The following RIMS2 variants were observed in gnomAD, a reference collection of about 807,000 sequenced individuals.
RIMS2 encodes regulating synaptic membrane exocytosis 2, also known as regulating synaptic membrane exocytosis protein 2.
In RIMS2, 59 loss-of-function variants were observed where a neutral mutation model predicts 174.4. The ratio of observed to expected loss-of-function variants is 0.34; its 90% CI spans 0.27 to 0.42. The LOEUF is 0.42. RIMS2 is among the 10% of genes least tolerant of loss of function. The pLI is 1.00. For missense variants in RIMS2, 1,620 were observed against 1,666.3 expected (o/e 0.97, Z 0.48); for synonymous variants, 606 against 572.5 (o/e 1.06, Z -0.84).
intron 1 of RIMS2, among the ~76,000 whole-genome samples, chr8:103,583,709 C>T (rs1204344846): frequency 1.7e-5 from 2 of 119,098 alleles, no homozygotes; most frequent in Non-Finnish European, 4.3e-5. Flanking sequence ...TGAAAATACA[C>T]AGTCAGAGGG....
intron 3 of RIMS2, among the ~76,000 whole-genome samples, chr8:103,849,074 G>A (rs1391070525): frequency 6.6e-6 from 1 of 152,016 alleles, no homozygotes; most frequent in Admixed American, 6.6e-5. Flanking sequence ...CCTTTGAAAT[G>A]ATAGAGATAC....
At chr8:103,871,031 A>G (rs149465329) in intron 3 of RIMS2, among the ~76,000 whole-genome samples, 3 of 152,304 alleles carry the variant, frequency 2.0e-5, no homozygotes, top group East Asian at 3.9e-4. Context: ...TTCAATTTCT[A>G]CTTAACTATT....
intron 19 of RIMS2, among the ~76,000 whole-genome samples, chr8:104,024,500 G>GT (rs2096201665): frequency 6.6e-6 from 1 of 152,150 alleles, no homozygotes; most frequent in South Asian, 2.1e-4. Context: ...CTATGACACT[G>GT]TTGTAGATTG....
chr8:103,915,475 T>C lies in RIMS2; in HGVS notation c.1813-20T>C. The C allele has an allele frequency of 6.9e-7, 1 of 1,440,270 alleles. No homozygotes were observed. The highest frequency in any genetic ancestry group is 1.4e-5 in the African/African-American group (1 of 71,392). The allele number at this position is 1,440,270 out of a possible 1,614,324, so 89.2% of individuals were successfully genotyped here. A position where few individuals can be genotyped will look rare whatever the true frequency, so the allele number is the denominator to read the frequency against. ...CATTTTAACAATATTCCCATGTTAATACTTTCCTCTTTTAAACAGGTTGTA... is the reference window on the plus strand; with the variant it reads ...CATTTTAACAATATTCCCATGTTAACACTTTCCTCTTTTAAACAGGTTGTA... On this transcript the variant is annotated intron_variant, in intron 6 of 23. Transcript: ENST00000504942.
chr8:104,052,410 G>T (rs1023324337), intron 19 of RIMS2, among the ~76,000 whole-genome samples: 27 of 152,184 alleles, frequency 1.8e-4, no homozygotes, highest in African/African-American at 6.0e-4. Context: ...GGGTCCACAG[G>T]GGCATGGTCA....
At chr8:103,978,198 T>C (rs1043892087) in intron 16 of RIMS2, among the ~76,000 whole-genome samples, 3 of 152,230 alleles carry the variant, frequency 2.0e-5, no homozygotes, top group Admixed American at 2.0e-4. Context: ...ACTTTACTTT[T>C]ATCAGGGAAA....
At chr8:103,783,337 G>C (rs1233290172) in intron 3 of RIMS2, among the ~76,000 whole-genome samples, 17 of 146,662 alleles carry the variant, frequency 1.2e-4, no homozygotes, top group African/African-American at 4.0e-4. Flanking sequence ...AGTTACATAT[G>C]TATACATGTG....
chr8:103,783,607 T>G (rs2098413225), intron 3 of RIMS2, among the ~76,000 whole-genome samples: 1 of 152,084 alleles, frequency 6.6e-6, no homozygotes, highest in Middle Eastern at 3.2e-3. Flanking sequence ...TCATCATTTT[T>G]TATGGCTGCA....
intron 2 of RIMS2, among the ~76,000 whole-genome samples, chr8:103,713,895 CT>C (rs1168376161): frequency 2.0e-5 from 3 of 152,108 alleles, no homozygotes; most frequent in Non-Finnish European, 4.4e-5. Context: ...TTATTTCTGC[CT>C]TTTTTTCTTT....
At chr8:103,520,607 A>G (rs1831188095) in intron 1 of RIMS2, among the ~76,000 whole-genome samples, 1 of 152,172 alleles carries the variant, frequency 6.6e-6, no homozygotes, top group Admixed American at 6.5e-5. Flanking sequence ...AAGTATTTTC[A>G]TAACTATTTC....
chr8:103,611,103 G>T (rs201109728), intron 1 of RIMS2, among the ~76,000 whole-genome samples: 1 of 152,010 alleles, frequency 6.6e-6, no homozygotes, highest in Non-Finnish European at 1.5e-5. Flanking sequence ...TTTCTAGTTT[G>T]TGTGCATAGA....
chr8:103,988,687 C>T (rs7837018), intron 16 of RIMS2, among the ~76,000 whole-genome samples: 3,996 of 151,932 alleles, frequency 0.026, 197 homozygotes, highest in African/African-American at 0.091. Context: ...CTCGAACTCC[C>T]GACCTCACGT....
At chr8:104,183,110 A>G (rs1483918169) in intron 19 of RIMS2, among the ~76,000 whole-genome samples, 1 of 151,700 alleles carries the variant, frequency 6.6e-6, no homozygotes, top group Non-Finnish European at 1.5e-5. Flanking sequence ...GCTCTGCCTG[A>G]TAGAGTACAA....
At chr8:103,883,767 A>G (rs1028186937) in intron 3 of RIMS2, among the ~76,000 whole-genome samples, 2 of 151,760 alleles carry the variant, frequency 1.3e-5, no homozygotes, top group Admixed American at 6.6e-5. Flanking sequence ...GTCAAGCATT[A>G]GTTGTTGGCT....
In RIMS2 at chr8:103,834,674, C is replaced by A. The variant is rs367665021; in HGVS notation, c.699-50624C>A. Among the ~76,000 whole-genome samples, 13 of 113,936 alleles carry A rather than the reference C, an allele frequency of 1.1e-4. No homozygotes were observed. In the East Asian group the frequency reaches 1.6e-3, roughly 14 times the overall value. The allele number at this position is 113,936 out of a possible 152,430, so 74.7% of individuals were successfully genotyped here. ...TTTCAAGCCAGCAAGCCTCTGAGGT[C>A]TTTTTCTTTCTTTCTTTCTTTCTTT... On this transcript the variant is annotated intron_variant, in intron 3 of 23. Coordinates refer to ENST00000504942, the Ensembl canonical transcript of RIMS2.
rs189696268 is a variant in RIMS2 at position 104,103,296 on chromosome 8, A to G, written c.3334+88681A>G. Among the ~76,000 whole-genome samples, 11 of 152,302 alleles carry G rather than the reference A, an allele frequency of 7.2e-5. No homozygotes were observed. In the East Asian group the frequency reaches 2.1e-3, roughly 29 times the overall value. ...TTTTTGGGGTGATGAAATGTTGTCA[A>G]AATAGATAGTGGTGATAGTCACACA... On this transcript the variant is annotated intron_variant, in intron 19 of 23. Coordinates refer to ENST00000504942, the Ensembl canonical transcript of RIMS2.
intron 10 of RIMS2, chr8:103,927,691 T>C (rs1041803080): frequency 1.6e-6 from 1 of 642,824 alleles, no homozygotes; most frequent in Non-Finnish European, 2.8e-6. Flanking sequence ...TTCATCACAC[T>C]GAAGTACTTA....
intron 12 of RIMS2, among the ~76,000 whole-genome samples, chr8:103,932,288 A>G (rs906309234): frequency 2.0e-5 from 3 of 152,202 alleles, no homozygotes; most frequent in Non-Finnish European, 4.4e-5. Flanking sequence ...GTTCAAGTAG[A>G]AAGTCAAGGT....
At chr8:103,986,612 AT>A (rs2094378582) in intron 16 of RIMS2, among the ~76,000 whole-genome samples, 1 of 152,192 alleles carries the variant, frequency 6.6e-6, no homozygotes, top group South Asian at 2.1e-4. Context: ...TGAAATTGAT[AT>A]AAAATATTAA....
Sources: gnomAD v4.1 joint callset for allele counts (sites outside exome capture counted in the v4.1 genomes callset) on GRCh38, gnomAD v4.1.1 for gene constraint, MANE v1.5 for transcripts, NCBI Gene and HGNC (gene_info 2026-07-23, HGNC 2026-07-21) for gene names.